The following SLA variants were observed in gnomAD, a reference collection of about 807,000 sequenced individuals.
The protein encoded by SLA is src-like-adapter.
A neutral mutation model predicts 30.3 loss-of-function variants in SLA; 16 were observed. That is an observed-to-expected ratio of 0.53 (90% CI 0.36 to 0.80). The LOEUF is 0.80. Among genes scored for constraint, SLA ranks in the 30% least tolerant of loss-of-function variants. The pLI, the probability that SLA is intolerant of heterozygous loss-of-function variation, is 0.01. For missense variants in SLA, 310 were observed against 345.2 expected (o/e 0.90, Z 0.81); for synonymous variants, 143 against 137.8 (o/e 1.04, Z -0.26).
intron 3 of SLA, among the ~76,000 whole-genome samples, chr8:133,059,437 G>A (rs1194457134): frequency 3.9e-5 from 6 of 152,044 alleles, no homozygotes; most frequent in Non-Finnish European, 8.8e-5. Context: ...TCCCTCCCAG[G>A]CCTCTGACCA....
intron 7 of SLA, among the ~76,000 whole-genome samples, chr8:133,044,298 C>T (rs1271167316): frequency 6.6e-6 from 1 of 152,158 alleles, no homozygotes; most frequent in Non-Finnish European, 1.5e-5. Flanking sequence ...GTATCCTACA[C>T]TCTTCCAGCC....
Position 133,060,194 on chromosome 8 carries a change from C to G in SLA, c.-34G>C. 6.2e-7 allele frequency: 1 copy of G among 1,613,356 alleles called. No individual in the cohort carries two copies. The highest frequency in any genetic ancestry group is 8.5e-7 in the Non-Finnish European group (1 of 1,179,672). On this transcript the variant is annotated 5_prime_UTR_variant, in exon 3 of 9. Coordinates refer to ENST00000338087, the MANE Select transcript of SLA (RefSeq NM_001045556.3). ...TTTTCCCTGGGGCCGCTGGTGATGC[C>G]CAGAGCCTGTGGTATAGGAGACAGA...
At chr8:133,098,446 A>G (rs1848762495) in intron 1 of SLA, among the ~76,000 whole-genome samples, 1 of 152,202 alleles carries the variant, frequency 6.6e-6, no homozygotes, top group African/African-American at 2.4e-5. Flanking sequence ...AGGCATGGGC[A>G]GACTGGGATG....
At chr8:133,066,985 G>A (rs1011900136) in intron 2 of SLA, among the ~76,000 whole-genome samples, 1 of 152,156 alleles carries the variant, frequency 6.6e-6, no homozygotes, top group African/African-American at 2.4e-5. Context: ...GTTGGTCATG[G>A]CTCTTTTGCC....
chr8:133,095,243 C>A, intron 1 of SLA: 2 of 1,614,060 alleles, frequency 1.2e-6, no homozygotes, highest in Non-Finnish European at 1.7e-6. Context: ...AAGGGACATT[C>A]TCTGGTCTTT....
rs577526076 is a variant in SLA at position 133,081,254 on chromosome 8, C to A, written c.-318-6124G>T. Among the ~76,000 whole-genome samples the A allele has an allele frequency of 2.8e-4, 42 of 152,360 alleles. No individual in the cohort carries two copies. The South Asian group carries it at 8.1e-3, about 29-fold the overall frequency. ...GTCTAACCATGACCATGGAGCCTAG[C>A]ACAGAGGCTATCCCCAAAGATGTGA... On this transcript the variant is annotated intron_variant, in intron 1 of 8. Transcript: ENST00000338087.
chr8:133,072,301 G>A (rs957140397), intron 2 of SLA, among the ~76,000 whole-genome samples: 1 of 152,176 alleles, frequency 6.6e-6, no homozygotes, highest in Non-Finnish European at 1.5e-5. Flanking sequence ...CTCCCTTAGC[G>A]GTTCTCAGAT....
chr8:133,049,522 AG>A (rs775573201), intron 5 of SLA: 13 of 291,708 alleles, frequency 4.5e-5, no homozygotes, highest in Admixed American at 1.3e-4. Context: ...ATGCATAAAA[AG>A]CTTGTTCACT....
intron 1 of SLA, among the ~76,000 whole-genome samples, chr8:133,095,912 C>T (rs1292634186): frequency 6.6e-6 from 1 of 152,220 alleles, no homozygotes; most frequent in African/African-American, 2.4e-5. Flanking sequence ...ACTGTCTCCT[C>T]CTGCCTTCCT....
chr8:133,095,176 C>T lies in SLA; in HGVS notation c.-319+7377G>A, dbSNP rs201280992. The T allele has an allele frequency of 4.8e-5, 77 of 1,614,244 alleles. No individual in the cohort carries two copies. In the East Asian group the frequency reaches 1.6e-3, roughly 34 times the overall value. ...AGTGGTGTCCTGCCTCCGCCAGAAG[C>T]CTGCCAATGTCCTCAATGATGCCCA... On this transcript the variant is annotated intron_variant, in intron 1 of 8. Transcript: ENST00000338087.
At chr8:133,040,238 G>C in intron 7 of SLA, 108 bp from the exon 8 acceptor site, 5 of 1,244,014 alleles carry the variant, frequency 4.0e-6, no homozygotes, top group Non-Finnish European at 5.6e-6. Flanking sequence ...GCTGCCATGG[G>C]GAACTGGGCC....
chr8:133,057,248 C>T (rs1841610204), intron 3 of SLA, among the ~76,000 whole-genome samples: 7 of 152,092 alleles, frequency 4.6e-5, no homozygotes, highest in Admixed American at 3.9e-4. Flanking sequence ...AGCAGAGAGA[C>T]AGAGTGCTCA....
intron 6 of SLA, among the ~76,000 whole-genome samples, 177 bp from the exon 7 acceptor site, chr8:133,045,292 G>A (rs1250626888): frequency 2.0e-5 from 3 of 151,460 alleles, no homozygotes; most frequent in East Asian, 1.9e-4. Flanking sequence ...GTTGCTTCCC[G>A]TTAGAGACTG....
intron 2 of SLA, among the ~76,000 whole-genome samples, chr8:133,070,190 C>T (rs1040499730): frequency 2.0e-5 from 3 of 152,022 alleles, no homozygotes; most frequent in Admixed American, 2.0e-4. Context: ...TAAATACTCC[C>T]ACCATGCTGA....
intron 4 of SLA, chr8:133,050,379 CTT>C: frequency 3.6e-6 from 1 of 280,890 alleles, no homozygotes; most frequent in Non-Finnish European, 6.9e-6. Context: ...GGGCTTAGAA[CTT>C]CTGTCATGTT....
intron 1 of SLA, among the ~76,000 whole-genome samples, chr8:133,085,802 C>T (rs1177524648): frequency 6.6e-6 from 1 of 152,214 alleles, no homozygotes; most frequent in East Asian, 1.9e-4. Context: ...CTTTGACAAA[C>T]AGTTTGGCAA....
intron 2 of SLA, among the ~76,000 whole-genome samples, chr8:133,069,385 G>C (rs368940748): frequency 1.3e-5 from 2 of 152,168 alleles, no homozygotes; most frequent in Non-Finnish European, 2.9e-5. Context: ...CTTGTCCAGG[G>C]ACATGGACCC....
In SLA at chr8:133,038,461, G is replaced by T. The variant is rs1191483306; in HGVS notation, c.*63C>A. The T allele has an allele frequency of 7.5e-7, 1 of 1,341,794 alleles. No homozygotes were observed. Among genetic ancestry groups the T allele is most frequent in the African/African-American group, 1.4e-5 (1 of 69,400 alleles). 83.1% of individuals were successfully genotyped at this position (1,341,794 alleles called of 1,614,324 possible). A position where few individuals can be genotyped will look rare whatever the true frequency, so the allele number is the denominator to read the frequency against. On this transcript the variant is annotated 3_prime_UTR_variant, in exon 9 of 9. Coordinates refer to ENST00000338087, the MANE Select transcript of SLA (RefSeq NM_001045556.3). ...GATCAGGGAACCTCGCTTTTCGCAA[G>T]ATCCCAGGCAATAGTTGGAACTTCT... is the stretch of plus-strand genomic sequence containing the variant.
At chr8:133,047,544 G>A (rs1030781429) in intron 6 of SLA, 21 of 449,208 alleles carry the variant, frequency 4.7e-5, no homozygotes, top group Non-Finnish European at 7.0e-5. Context: ...TACACACTGC[G>A]TTCAGTTTTG....
Sources: allele counts gnomAD v4.1 joint callset (sites outside exome capture counted in the v4.1 genomes callset), GRCh38; gene constraint gnomAD v4.1.1; transcripts MANE v1.5; gene names NCBI Gene and HGNC (gene_info 2026-07-23, HGNC 2026-07-21).